SEMA3A: variants seen among roughly 807,000 people sequenced by gnomAD.
The protein encoded by SEMA3A is semaphorin 3A, also known as semaphorin-3A.
SEMA3A carries 29 observed loss-of-function variants against 97.9 expected under a neutral mutation model. The ratio of observed to expected loss-of-function variants is 0.30; its 90% CI spans 0.22 to 0.40. The LOEUF (loss-of-function observed/expected upper bound fraction) is 0.40. Among genes scored for constraint, SEMA3A ranks in the 10% least tolerant of loss-of-function variants. The pLI is 1.00. For missense variants in SEMA3A, 763 were observed against 951.3 expected (o/e 0.80, Z 2.60); for synonymous variants, 321 against 323.7 (o/e 0.99, Z 0.09).
chr7:84,267,836 C>G (rs1800043947), intron 3 of SEMA3A, among the ~76,000 whole-genome samples: 1 of 152,066 alleles, frequency 6.6e-6, no homozygotes, highest in African/African-American at 2.4e-5. Context: ...CTATGAAGTT[C>G]AAGTTGTAAT....
At chr7:84,399,645 T>C (rs1803844050) in intron 1 of SEMA3A, among the ~76,000 whole-genome samples, 2 of 152,282 alleles carry the variant, frequency 1.3e-5, no homozygotes, top group South Asian at 4.1e-4. Flanking sequence ...TATTACTAGG[T>C]CATTGCTTCT....
At chr7:84,456,547 T>A (rs1805689887) in intron 1 of SEMA3A, among the ~76,000 whole-genome samples, 1 of 151,788 alleles carries the variant, frequency 6.6e-6, no homozygotes, top group Non-Finnish European at 1.5e-5. Flanking sequence ...ATTAATCAAA[T>A]AGAAAGATTT....
chr7:83,986,266 T>C (rs1225806855), intron 12 of SEMA3A, among the ~76,000 whole-genome samples: 1 of 152,120 alleles, frequency 6.6e-6, no homozygotes, highest in Non-Finnish European at 1.5e-5. Flanking sequence ...GATTACTTCA[T>C]TATTATGAAA....
intron 6 of SEMA3A, among the ~76,000 whole-genome samples, chr7:84,015,091 T>G (rs1791045357): frequency 1.3e-5 from 2 of 152,136 alleles, no homozygotes; most frequent in South Asian, 2.1e-4. Flanking sequence ...GAACCTCCGC[T>G]CTCTCACTCC....
chr7:84,364,912 G>A (rs1319716308), intron 2 of SEMA3A, among the ~76,000 whole-genome samples: 2 of 151,038 alleles, frequency 1.3e-5, no homozygotes, highest in Non-Finnish European at 3.0e-5. Context: ...AATGAGAGCA[G>A]TTAAAAACAC....
chr7:84,058,153 A>T (rs554631383), intron 5 of SEMA3A, among the ~76,000 whole-genome samples: 7 of 152,200 alleles, frequency 4.6e-5, no homozygotes, highest in Non-Finnish European at 1.0e-4. Context: ...TTTGAGCCCA[A>T]CCTGAAATTT....
At chr7:84,122,624 A>T (rs988064944) in intron 3 of SEMA3A, among the ~76,000 whole-genome samples, 1 of 152,190 alleles carries the variant, frequency 6.6e-6, no homozygotes, top group Admixed American at 6.6e-5. Flanking sequence ...TTATGTCTCA[A>T]TATGTCTAAA....
intron 1 of SEMA3A, among the ~76,000 whole-genome samples, chr7:84,406,801 C>T (rs915738941): frequency 4.1e-4 from 62 of 152,218 alleles, no homozygotes; most frequent in African/African-American, 1.3e-3. Flanking sequence ...AGACAAAAAC[C>T]ACATGATTAT....
intron 12 of SEMA3A, among the ~76,000 whole-genome samples, chr7:83,986,208 T>C (rs182769901): frequency 1.3e-5 from 2 of 152,088 alleles, no homozygotes; most frequent in Admixed American, 1.3e-4. Context: ...CTGATGAGAG[T>C]AGGCCACTTT....
chr7:84,049,159 G>A (rs1326443945), intron 5 of SEMA3A, among the ~76,000 whole-genome samples: 2 of 152,092 alleles, frequency 1.3e-5, no homozygotes, highest in Admixed American at 6.6e-5. Flanking sequence ...AAATAAGTAT[G>A]CAGTTTAGGC....
chr7:84,424,125 G>C (rs1804676563), intron 1 of SEMA3A, among the ~76,000 whole-genome samples: 2 of 151,314 alleles, frequency 1.3e-5, no homozygotes, highest in African/African-American at 4.8e-5. Flanking sequence ...ATTGAATCCA[G>C]CAATCCCACT....
chr7:84,091,208 G>GAAAGAAAGAAAGA (rs1562774518), intron 4 of SEMA3A, among the ~76,000 whole-genome samples: 7 of 69,312 alleles, frequency 1.0e-4, no homozygotes, highest in African/African-American at 3.4e-4. Context: ...AAGAAAGAAA[G>GAAAGAAAGAAAGA]AAAGAAAAGA....
chr7:84,315,350 TAA>T (rs1251322503), intron 2 of SEMA3A, among the ~76,000 whole-genome samples: 4 of 151,782 alleles, frequency 2.6e-5, no homozygotes, highest in Non-Finnish European at 5.9e-5. Flanking sequence ...CCACAATATA[TAA>T]GAGTCTACAC....
chr7:84,129,034 A>C, intron 3 of SEMA3A, 89 bp downstream of exon 3: 3 of 1,034,388 alleles, frequency 2.9e-6, no homozygotes, highest in Non-Finnish European at 4.5e-6. Context: ...ACACACACAA[A>C]AAAATCAGAA....
chr7:84,299,242 G>GTATATA (rs71078820), intron 3 of SEMA3A, among the ~76,000 whole-genome samples: 3 of 127,536 alleles, frequency 2.4e-5, no homozygotes, highest in African/African-American at 8.8e-5. Context: ...AAAACAGTGT[G>GTATATA]TATATATATA....
chr7:84,150,490 G>A (rs907078301), intron 1 of SEMA3A, among the ~76,000 whole-genome samples: 4 of 152,166 alleles, frequency 2.6e-5, no homozygotes, highest in African/African-American at 9.7e-5. Context: ...GACGGCACCT[G>A]GAGAATCGGG....
At chr7:84,364,930 A>C (rs547698308) in intron 2 of SEMA3A, among the ~76,000 whole-genome samples, 1 of 151,704 alleles carries the variant, frequency 6.6e-6, no homozygotes, top group Admixed American at 6.6e-5. Context: ...CACAGAATGC[A>C]TCTGACCAAA....
At chr7:84,405,866 A>G (rs1319450518) in intron 1 of SEMA3A, among the ~76,000 whole-genome samples, 1 of 152,338 alleles carries the variant, frequency 6.6e-6, no homozygotes, top group East Asian at 1.9e-4. Context: ...CAAAGACACA[A>G]CATACCAGAA....
At chr7:84,328,967 T>C (rs1262424532) in intron 2 of SEMA3A, among the ~76,000 whole-genome samples, 3 of 152,002 alleles carry the variant, frequency 2.0e-5, no homozygotes, top group Non-Finnish European at 4.4e-5. Flanking sequence ...TTTATTCATT[T>C]ATTTATTTAT....
Sources: gnomAD v4.1 joint callset for allele counts (sites outside exome capture counted in the v4.1 genomes callset) on GRCh38, gnomAD v4.1.1 for gene constraint, MANE v1.5 for transcripts, NCBI Gene and HGNC (gene_info 2026-07-23, HGNC 2026-07-21) for gene names.